Variants in GPATCH1 observed in about 807,000 individuals in gnomAD.
The protein encoded by GPATCH1 is G patch domain-containing protein 1.
In GPATCH1, 73 loss-of-function variants were observed where a neutral mutation model predicts 114.9. That is an observed-to-expected ratio of 0.64 (90% CI 0.53 to 0.77). GPATCH1 has a LOEUF of 0.77. GPATCH1 is among the 30% of genes least tolerant of loss of function. The pLI is 0.00. For synonymous variants in GPATCH1, 391 were observed against 428.4 expected, an observed-to-expected ratio of 0.91 and a Z score of 1.08; for missense variants, 1,058 against 1,144.3, an observed-to-expected ratio of 0.92 and a Z score of 1.09.
At chr19:33,122,566 G>A (rs981934799) in intron 17 of GPATCH1, among the ~76,000 whole-genome samples, 3 of 151,790 alleles carry the variant, frequency 2.0e-5, no homozygotes, top group Non-Finnish European at 4.4e-5. Flanking sequence ...CTTGTGATCT[G>A]CCCGCCTCAA....
At chr19:33,123,703 G>T (rs1228755525) in intron 17 of GPATCH1, among the ~76,000 whole-genome samples, 2 of 151,578 alleles carry the variant, frequency 1.3e-5, no homozygotes, top group Non-Finnish European at 2.9e-5. Context: ...AGCTGTGATT[G>T]CACCATTGCC....
At chr19:33,097,662 GTTTCCAATCACATCCTTAAA>G in intron 7 of GPATCH1, 73 bp from the exon 8 acceptor site, 1 of 1,165,024 alleles carries the variant, frequency 8.6e-7, no homozygotes, top group Non-Finnish European at 1.3e-6. Context: ...TGCTAACATG[GTTTCCAATCACATCCTTAAA>G]GTAGCTTTAT....
At chr19:33,108,897 G>A (rs991641517) in intron 10 of GPATCH1, among the ~76,000 whole-genome samples, 5 of 152,178 alleles carry the variant, frequency 3.3e-5, no homozygotes, top group Non-Finnish European at 4.4e-5. Flanking sequence ...AAGTGTGCAT[G>A]TATTAACTTC....
At chr19:33,112,634 C>G in intron 13 of GPATCH1, 21 bp downstream of exon 13, 4 of 1,600,956 alleles carry the variant, frequency 2.5e-6, no homozygotes, top group Non-Finnish European at 3.4e-6. Context: ...TAAACCTTTA[C>G]ATCAGTACAA....
At chr19:33,126,832 G>A in intron 19 of GPATCH1, 99 bp downstream of exon 19, 1 of 1,049,998 alleles carries the variant, frequency 9.5e-7, no homozygotes, top group Non-Finnish European at 1.4e-6. Flanking sequence ...TGAAAAACTG[G>A]TAGGCCGGGT....
At chr19:33,119,527 G>A (rs969598566) in intron 17 of GPATCH1, among the ~76,000 whole-genome samples, 12 of 151,314 alleles carry the variant, frequency 7.9e-5, no homozygotes, top group African/African-American at 1.2e-4. Context: ...GTGAAACCCC[G>A]TCTCTACTAA....
At chr19:33,114,206 CT>C in intron 14 of GPATCH1, 46 bp from the exon 15 acceptor site, 2 of 1,526,774 alleles carry the variant, frequency 1.3e-6, no homozygotes, top group Non-Finnish European at 1.8e-6. Context: ...AAGAACTGGC[CT>C]TTTCCTTGCT....
intron 17 of GPATCH1, among the ~76,000 whole-genome samples, chr19:33,122,242 AAGTGATC>A (rs1009513452): frequency 1.3e-5 from 2 of 151,592 alleles, no homozygotes; most frequent in African/African-American, 4.8e-5. Context: ...TTCTAACCTC[AAGTGATC>A]CACCTGCCTC....
rs761827833 is a variant in GPATCH1, at chr19:33,124,143, C to T, written c.2522-962C>T. ...TGCTGGGATTACAGGCATGAGCCAC[C>T]GTTCCTGGCCGAAACTTTTCTTTAG... is the stretch of plus-strand genomic sequence containing the variant. On this transcript the variant is annotated intron_variant, in intron 17 of 19. Transcript: ENST00000170564. 5.9e-5 allele frequency among the ~76,000 whole-genome samples: 9 copies of T among 152,088 alleles called. 1 individual carries two copies. Among genetic ancestry groups the T allele is most frequent in the South Asian group, 4.2e-4 (2 of 4,814 alleles).
In GPATCH1 at chr19:33,113,796, A is replaced by C. The variant is rs1972885110; in HGVS notation, c.1922A>C (p.Lys641Thr). 1 of 1,613,648 alleles carries C rather than the reference A, an allele frequency of 6.2e-7. No individual in the cohort carries two copies. Among genetic ancestry groups the C allele is most frequent in the African/African-American group, 1.3e-5 (1 of 74,896 alleles). Reference sequence around the variant, plus strand: ...ACTTTAGTTGGCTTACCAAGAGTGAAGCGTGACAAGTACTCAGTCTTCAAC... The same window carrying C: ...ACTTTAGTTGGCTTACCAAGAGTGACGCGTGACAAGTACTCAGTCTTCAAC... ...DSTLVGLPRV[K>T]RDKYSVFNFL... is the part of the protein sequence containing the mutation. The change falls in exon 14 of 20, where the codon AAG becomes ACG. Residue 641 changes from lysine to threonine, a missense_variant. Lys to Thr is a moderately conservative substitution (Grantham distance 78). Coordinates refer to ENST00000170564, the MANE Select transcript of GPATCH1 (RefSeq NM_018025.3).
chr19:33,097,659 A>G (rs1568341305), intron 7 of GPATCH1, 96 bp from the exon 8 acceptor site: 1 of 1,122,968 alleles, frequency 8.9e-7, no homozygotes. Context: ...AAGTGCTAAC[A>G]TGGTTTCCAA....
At chr19:33,095,875 T>C (rs765532889) in intron 6 of GPATCH1, 55 bp downstream of exon 6, 3 of 1,272,700 alleles carry the variant, frequency 2.4e-6, no homozygotes, top group Non-Finnish European at 3.4e-6. Flanking sequence ...TGTTTCTGTA[T>C]GACTGTGAAA....
chr19:33,112,409 T>C, intron 12 of GPATCH1, 77 bp from the exon 13 acceptor site: 1 of 1,546,902 alleles, frequency 6.5e-7, no homozygotes, highest in Non-Finnish European at 8.8e-7. Context: ...AGAAGATTGC[T>C]TGAAAATTTT....
In GPATCH1 at chr19:33,109,994, A is replaced by G; in HGVS notation, c.1563A>G (p.Val521=). ...EKQKRYDEFL[V]HMKQGQKDAL... is the part of the protein sequence containing the mutation. Reference sequence around the variant, plus strand: ...AAAAGCGATACGACGAGTTCTTAGTACACATGAAACAGGGTCAGAAAGGTG... The same window carrying G: ...AAAAGCGATACGACGAGTTCTTAGTGCACATGAAACAGGGTCAGAAAGGTG... Residue 521 remains valine, a synonymous_variant, in exon 11 of 20, where the codon GTA becomes GTG. Transcript: ENST00000170564. 1 of 1,610,192 alleles carries G rather than the reference A, an allele frequency of 6.2e-7. No individual in the cohort carries two copies. The highest frequency in any genetic ancestry group is 8.5e-7 in the Non-Finnish European group (1 of 1,177,570).
At chr19:33,123,507 T>C (rs1479499558) in intron 17 of GPATCH1, among the ~76,000 whole-genome samples, 1 of 152,158 alleles carries the variant, frequency 6.6e-6, no homozygotes, top group East Asian at 1.9e-4. Flanking sequence ...CCCAGCACTT[T>C]GGGAGGCTAA....
At position 33,118,013 on chromosome 19, in the gene GPATCH1, C is replaced by T; in HGVS notation, c.2385C>T (p.Asp795=). 6.2e-7 allele frequency: 1 copy of T among 1,613,564 alleles called. No individual in the cohort carries two copies. The change falls in exon 16 of 20, where the codon GAC becomes GAT. Residue 795 remains aspartate (D), a synonymous_variant. Transcript: ENST00000170564. ...ACTTCCAAAGCTCCCAAGACACTGA[C>T]TTGGGGGAAACATCATCTGTGGCTC... The part of the protein sequence containing the change: ...EANFQSSQDT[D]LGETSSVAHA...
chr19:33,106,752 A>T lies in GPATCH1; in HGVS notation c.1138A>T (p.Met380Leu). 6.2e-7 allele frequency: 1 copy of T among 1,613,938 alleles called. No homozygotes were observed. Among genetic ancestry groups the T allele is most frequent in the South Asian group, 1.1e-5 (1 of 91,066 alleles). The change falls in exon 10 of 20, where the codon ATG (methionine) becomes TTG (leucine). Residue 380 changes from methionine to leucine, a missense_variant. Met to Leu is a conservative substitution (Grantham distance 15). Coordinates refer to ENST00000170564, the MANE Select transcript of GPATCH1 (RefSeq NM_018025.3). ...TCGACCAGTGCATTATTTCAGACCC[A>T]TGGTGGCCGCCACCTCCGAGAACTC... ...DYRPVHYFRP[M>L]VAATSENSHL...
Position 33,101,497 on chromosome 19 carries a change from T to C in GPATCH1, c.1003T>C (p.Ser335Pro). 6.4e-6 allele frequency: 10 copies of C among 1,551,632 alleles called. No homozygotes were observed. The highest frequency in any genetic ancestry group is 8.9e-6 in the Non-Finnish European group (10 of 1,123,270). Residue 335 changes from serine to proline, a missense_variant and splice_region_variant, in exon 9 of 20, where the codon TCA becomes CCA. Physicochemically the swap from Ser to Pro is moderately conservative, Grantham distance 74. Transcript: ENST00000170564. Reference sequence around the variant, plus strand: ...TAATCTATGACATCATTTTGTAGAATCAGAGAAAGACCTTCGGTACGTTGG... The same window carrying C: ...TAATCTATGACATCATTTTGTAGAACCAGAGAAAGACCTTCGGTACGTTGG... ...APRQYKNQKE[S>P]EKDLRYVGKI...
chr19:33,120,695 A>G (rs1972973407), intron 17 of GPATCH1, among the ~76,000 whole-genome samples: 3 of 151,808 alleles, frequency 2.0e-5, no homozygotes, highest in Admixed American at 2.0e-4. Context: ...ACCCATCTCT[A>G]TTTAAAAAAA....
Sources: allele counts gnomAD v4.1 joint callset (sites outside exome capture counted in the v4.1 genomes callset), GRCh38; gene constraint gnomAD v4.1.1; transcripts MANE v1.5; gene names NCBI Gene and HGNC (gene_info 2026-07-23, HGNC 2026-07-21).